RELN: variants seen among roughly 807,000 people sequenced by gnomAD.
RELN encodes the protein reelin.
A neutral mutation model predicts 427.6 loss-of-function variants in RELN; 108 were observed. That is an observed-to-expected ratio of 0.25 (90% confidence interval 0.22 to 0.30). RELN has a LOEUF of 0.30. Among genes scored for constraint, RELN ranks in the 10% least tolerant of loss-of-function variants. RELN has a pLI of 1.00. For synonymous variants in RELN, 1,524 were observed against 1,513.4 expected (o/e 1.01, Z -0.16); for missense variants, 3,715 against 4,302.8 (o/e 0.86, Z 3.82).
chr7:103,611,483 A>T (rs1483601917), intron 21 of RELN, 128 bp downstream of exon 21: 3 of 705,346 alleles, frequency 4.3e-6, no homozygotes, highest in Non-Finnish European at 4.8e-6. Flanking sequence ...CTAAGTTACA[A>T]ATATTAAATA....
chr7:103,853,637 A>T (rs1163381832), intron 2 of RELN, among the ~76,000 whole-genome samples: 1 of 150,638 alleles, frequency 6.6e-6, no homozygotes, highest in African/African-American at 2.4e-5. Context: ...ACAGCAAATA[A>T]TTTTTTTTTT....
At chr7:103,952,935 T>C (rs1299701953) in intron 1 of RELN, among the ~76,000 whole-genome samples, 5 of 152,226 alleles carry the variant, frequency 3.3e-5, no homozygotes, top group African/African-American at 1.2e-4. Context: ...AAATAGTCTC[T>C]GGCCTCATTA....
intron 2 of RELN, among the ~76,000 whole-genome samples, chr7:103,845,161 C>G (rs1372374439): frequency 1.3e-5 from 2 of 149,946 alleles, no homozygotes; most frequent in Non-Finnish European, 3.0e-5. Flanking sequence ...TTTTTTTTTG[C>G]TAAAATTAAT....
chr7:103,637,542 A>G (rs997309743), intron 17 of RELN, among the ~76,000 whole-genome samples: 5 of 152,164 alleles, frequency 3.3e-5, no homozygotes, highest in Non-Finnish European at 7.3e-5. Flanking sequence ...TTCTGGGGAG[A>G]AGGTCCATAG....
intron 8 of RELN, among the ~76,000 whole-genome samples, chr7:103,703,353 CAT>C (rs1368756125): frequency 6.6e-6 from 1 of 152,202 alleles, no homozygotes; most frequent in Non-Finnish European, 1.5e-5. Context: ...CCCACTATCC[CAT>C]AGACTTTGGT....
intron 38 of RELN, among the ~76,000 whole-genome samples, chr7:103,556,710 C>T (rs1003604737): frequency 5.9e-5 from 9 of 152,144 alleles, no homozygotes; most frequent in African/African-American, 1.9e-4. Context: ...TAAGACATGC[C>T]TTTTGCCTCC....
rs766485297 is a variant in RELN at position 103,483,020 on chromosome 7, C to T, written c.10182-49G>A. 20 of 1,494,978 alleles carry T rather than the reference C, an allele frequency of 1.3e-5. No individual in the cohort carries two copies. In the East Asian group the frequency reaches 3.8e-4, roughly 29 times the overall value. The allele number at this position is 1,494,978 out of a possible 1,614,324, so 92.6% of individuals were successfully genotyped here. A position where few individuals can be genotyped will look rare whatever the true frequency, so the allele number is the denominator to read the frequency against. On this transcript the variant is annotated intron_variant, in intron 62 of 64. Transcript: ENST00000428762. ...AGAAGTTATACATTAGGAAACAGAA[C>T]TTTTTGGTATTTGACTTCTAGATGT...
intron 1 of RELN, among the ~76,000 whole-genome samples, chr7:103,924,507 G>A (rs1373447928): frequency 2.0e-5 from 3 of 152,148 alleles, no homozygotes; most frequent in Non-Finnish European, 4.4e-5. Flanking sequence ...TGCAAGGAGA[G>A]GAAAAACTGA....
chr7:103,927,756 A>T (rs2116699827), intron 1 of RELN, among the ~76,000 whole-genome samples: 1 of 152,310 alleles, frequency 6.6e-6, no homozygotes, highest in Non-Finnish European at 1.5e-5. Context: ...TGTGTTTTCA[A>T]TATAGCTATA....
intron 3 of RELN, among the ~76,000 whole-genome samples, chr7:103,810,661 GA>G (rs1311531869): frequency 4.1e-5 from 6 of 146,898 alleles, no homozygotes; most frequent in African/African-American, 1.0e-4. Flanking sequence ...TTCCTTGCAG[GA>G]AAAAAAAAAC....
chr7:103,706,467 A>T (rs1834202684), intron 8 of RELN, among the ~76,000 whole-genome samples: 1 of 152,198 alleles, frequency 6.6e-6, no homozygotes, highest in Admixed American at 6.5e-5. Flanking sequence ...CCCTGCTATT[A>T]GTAGGCGTTT....
rs567212958 is a variant in RELN, at chr7:103,620,427, C to G, written c.2703-8624G>C. On this transcript the variant is annotated intron_variant, in intron 20 of 64. Transcript: ENST00000428762. This position sits in a 1 kb window ranked among gnomAD's most constrained non-coding sequence, Gnocchi z 4.1. Reference sequence around the variant, plus strand: ...TCCTCTTTTTCTTATGTTGCATCCACATTATCTCCAGATTCGATTTTGGTT... The same window carrying G: ...TCCTCTTTTTCTTATGTTGCATCCAGATTATCTCCAGATTCGATTTTGGTT... 1.3e-4 allele frequency among the ~76,000 whole-genome samples: 20 copies of G among 151,918 alleles called. No homozygotes were observed. Among genetic ancestry groups the G allele is most frequent in the Non-Finnish European group, 2.5e-4 (17 of 68,002 alleles).
At chr7:103,775,238 T>C (rs2116206770) in intron 4 of RELN, among the ~76,000 whole-genome samples, 1 of 152,270 alleles carries the variant, frequency 6.6e-6, no homozygotes, top group Non-Finnish European at 1.5e-5. Flanking sequence ...ATGATCAAAT[T>C]CTTGAGCCTA....
chr7:103,786,889 C>T (rs1031214263), intron 3 of RELN, among the ~76,000 whole-genome samples: 2 of 152,158 alleles, frequency 1.3e-5, no homozygotes, highest in Non-Finnish European at 1.5e-5. Context: ...CCCAAGTCAA[C>T]AGAATATACA....
chr7:103,678,353 C>T (rs1016868171), intron 11 of RELN, among the ~76,000 whole-genome samples: 2 of 152,110 alleles, frequency 1.3e-5, no homozygotes, highest in Admixed American at 6.5e-5. Context: ...TTCAGAAAGA[C>T]TCACATAAAT....
chr7:103,755,488 G>A (rs1371764216), intron 4 of RELN, among the ~76,000 whole-genome samples: 2 of 151,776 alleles, frequency 1.3e-5, no homozygotes, highest in Admixed American at 1.3e-4. Context: ...GTCGCCTGTA[G>A]TCCCAGCTGC....
At chr7:103,909,746 TATATATATTAA>T (rs1795310149) in intron 2 of RELN, among the ~76,000 whole-genome samples, 1 of 13,340 alleles carries the variant, frequency 7.5e-5, no homozygotes, top group Non-Finnish European at 1.7e-4. Flanking sequence ...TATATATAAA[TATATATATTAA>T]ATATATATAT....
intron 1 of RELN, among the ~76,000 whole-genome samples, chr7:103,980,754 G>A (rs949616288): frequency 6.6e-6 from 1 of 152,176 alleles, no homozygotes; most frequent in African/African-American, 2.4e-5. Flanking sequence ...CTACTTTAGG[G>A]TTTGCTATTG....
At position 103,639,944 on chromosome 7, in the gene RELN, C is replaced by T. The variant is rs549196007; in HGVS notation, c.2069+599G>A. ...GTGAATATCCATTTTTTGGTATAAA[C>T]ATAAAATAATTCATTGGTGGTAATT... is the stretch of plus-strand genomic sequence containing the variant. On this transcript the variant is annotated intron_variant, in intron 17 of 64. Transcript: ENST00000428762. 3.7e-4 allele frequency among the ~76,000 whole-genome samples: 56 copies of T among 152,060 alleles called. No individual in the cohort carries two copies. The South Asian group carries it at 0.011, about 31-fold the overall frequency.
Sources: gnomAD v4.1 joint callset for allele counts (sites outside exome capture counted in the v4.1 genomes callset) on GRCh38, gnomAD v4.1.1 for gene constraint, Gnocchi (gnomAD v3.1) non-coding constraint, MANE v1.5 for transcripts, NCBI Gene and HGNC (gene_info 2026-07-23, HGNC 2026-07-21) for gene names.